The following LIX1 variants were observed in gnomAD, a reference collection of about 807,000 sequenced individuals.
The protein encoded by LIX1 is protein limb expression 1 homolog.
A neutral mutation model predicts 33.4 loss-of-function variants in LIX1; 24 were observed. That is an observed-to-expected ratio of 0.72 (90% CI 0.52 to 1.01). The LOEUF (loss-of-function observed/expected upper bound fraction) is 1.01. Ranked by LOEUF, LIX1 falls within the 50% of genes least tolerant of loss-of-function variation. The pLI, the probability that LIX1 is intolerant of heterozygous loss-of-function variation, is 0.00. For missense variants in LIX1, 311 were observed against 339.2 expected (o/e 0.92, Z 0.65); for synonymous variants, 124 against 124.0 (o/e 1.00, Z 0.00).
At chr5:97,103,719 A>G (rs535523272) in intron 4 of LIX1, among the ~76,000 whole-genome samples, 1 of 152,182 alleles carries the variant, frequency 6.6e-6, no homozygotes, top group African/African-American at 2.4e-5. Flanking sequence ...TAATCCTAGC[A>G]CTTTGGGAGG....
intron 2 of LIX1, among the ~76,000 whole-genome samples, chr5:97,115,007 G>A (rs554510404): frequency 1.3e-5 from 2 of 152,250 alleles, no homozygotes; most frequent in East Asian, 3.9e-4. Context: ...CTTTATGATA[G>A]TTCTTCTACA....
chr5:97,099,253 G>A (rs1203255241), intron 4 of LIX1, among the ~76,000 whole-genome samples: 4 of 152,132 alleles, frequency 2.6e-5, no homozygotes, highest in South Asian at 2.1e-4. Flanking sequence ...ACCAAATCTC[G>A]TCCAATCTGG....
At chr5:97,118,133 G>A (rs1181008616) in intron 2 of LIX1, among the ~76,000 whole-genome samples, 1 of 152,174 alleles carries the variant, frequency 6.6e-6, no homozygotes, top group Non-Finnish European at 1.5e-5. Context: ...ATTCCAAATA[G>A]ATCGAGCTAT....
rs544605955 is a variant in LIX1, at chr5:97,116,061, G to A, written c.246+8405C>T. Among the ~76,000 whole-genome samples the A allele has an allele frequency of 5.9e-5, 9 of 152,252 alleles. 1 individual carries two copies. In the East Asian group the frequency reaches 1.7e-3, roughly 29 times the overall value. On this transcript the variant is annotated intron_variant, in intron 2 of 5. Transcript: ENST00000274382. ...TTTGTGACTTGGAGTCCGACTTTTA[G>A]CAAGTGACTTGCGGAGTTTGTGCGT...
At chr5:97,137,489 T>C (rs180971798) in intron 1 of LIX1, among the ~76,000 whole-genome samples, 180 of 152,246 alleles carry the variant, frequency 1.2e-3, no homozygotes, top group African/African-American at 4.2e-3. Context: ...GAACCAGCTC[T>C]TATGCCATTG....
chr5:97,134,603 G>GT (rs1444846554), intron 1 of LIX1, among the ~76,000 whole-genome samples: 1 of 152,114 alleles, frequency 6.6e-6, no homozygotes, highest in Non-Finnish European at 1.5e-5. Context: ...TTTTCTTGAG[G>GT]AGCAACAGGA....
chr5:97,092,814 T>G lies in LIX1; in HGVS notation c.*1934A>C, dbSNP rs1190566348. The G allele has an allele frequency of 6.6e-6, 1 of 152,340 alleles. No individual in the cohort carries two copies. Among genetic ancestry groups the G allele is most frequent in the African/African-American group, 2.4e-5 (1 of 41,448 alleles). 9.4% of individuals were successfully genotyped at this position (152,340 alleles called of 1,614,324 possible). ...TGCCTAACTTTCATCACATCCAGCA[T>G]GGGAAATTGTGGCTTTTTGGAAATG... is the stretch of plus-strand genomic sequence containing the variant. On this transcript the variant is annotated 3_prime_UTR_variant, in exon 6 of 6. Coordinates refer to ENST00000274382, the MANE Select transcript of LIX1 (RefSeq NM_153234.5).
intron 5 of LIX1, among the ~76,000 whole-genome samples, chr5:97,096,504 G>T (rs572567982): frequency 6.6e-6 from 1 of 152,326 alleles, no homozygotes; most frequent in East Asian, 1.9e-4. Flanking sequence ...CAAGGAGGCA[G>T]GGGAGGTGTA....
intron 4 of LIX1, among the ~76,000 whole-genome samples, chr5:97,099,467 A>C (rs990301288): frequency 2.6e-5 from 4 of 152,100 alleles, no homozygotes; most frequent in African/African-American, 7.2e-5. Flanking sequence ...AAATAAGAAA[A>C]ATTTTTTGGT....
intron 2 of LIX1, among the ~76,000 whole-genome samples, chr5:97,116,151 G>A (rs1747630011): frequency 6.6e-6 from 1 of 152,170 alleles, no homozygotes. Flanking sequence ...AAGCCTTCAC[G>A]AAGAATGCCA....
intron 2 of LIX1, among the ~76,000 whole-genome samples, chr5:97,108,576 C>T (rs1402303100): frequency 6.6e-6 from 1 of 152,164 alleles, no homozygotes; most frequent in Non-Finnish European, 1.5e-5. Context: ...GGAGCCCATA[C>T]CTTTTGGAGA....
chr5:97,110,861 G>T (rs1263372374), intron 2 of LIX1, among the ~76,000 whole-genome samples: 1 of 152,088 alleles, frequency 6.6e-6, no homozygotes, highest in African/African-American at 2.4e-5. Flanking sequence ...GAAGGCTTTG[G>T]GGGAAGCTTT....
intron 1 of LIX1, among the ~76,000 whole-genome samples, chr5:97,132,246 G>A (rs975351679): frequency 6.6e-6 from 1 of 152,162 alleles, no homozygotes; most frequent in Middle Eastern, 3.2e-3. Flanking sequence ...TTTACAATCC[G>A]ACTGGGGAAA....
intron 4 of LIX1, among the ~76,000 whole-genome samples, chr5:97,099,546 A>T (rs1746574361): frequency 6.6e-6 from 1 of 152,234 alleles, no homozygotes. Flanking sequence ...GAAAAGAGAA[A>T]ATAAATATTG....
At position 97,102,983 on chromosome 5, in the gene LIX1, G is replaced by A. The variant is rs7703924; in HGVS notation, c.483+2207C>T. On this transcript the variant is annotated intron_variant, in intron 4 of 5. Coordinates refer to ENST00000274382, the MANE Select transcript of LIX1 (RefSeq NM_153234.5). ...ATAAATGTTACACTACTTAAATCCC[G>A]CAAAAATTCTACAAAATGGGCATTA... The A allele has an allele frequency of 2.4e-3, 1,028 of 434,450 alleles. 15 individuals carry two copies. Among genetic ancestry groups the A allele is most frequent in the African/African-American group, 0.019 (908 of 48,446 alleles). 26.9% of individuals were successfully genotyped at this position (434,450 alleles called of 1,614,324 possible). A position where few individuals can be genotyped will look rare whatever the true frequency, so the allele number is the denominator to read the frequency against.
intron 1 of LIX1, among the ~76,000 whole-genome samples, chr5:97,126,878 TC>T (rs994452597): frequency 1.1e-4 from 16 of 152,168 alleles, no homozygotes; most frequent in African/African-American, 3.6e-4. Flanking sequence ...GACCTTGTGA[TC>T]CGCCCATCTC....
At chr5:97,125,168 C>G (rs578248973) in intron 1 of LIX1, among the ~76,000 whole-genome samples, 18 of 152,234 alleles carry the variant, frequency 1.2e-4, no homozygotes, top group African/African-American at 4.1e-4. Context: ...GTAGAATAAG[C>G]AGGAGGCTGG....
intron 2 of LIX1, among the ~76,000 whole-genome samples, chr5:97,123,384 A>T (rs528148709): frequency 1.3e-5 from 2 of 152,120 alleles, no homozygotes; most frequent in South Asian, 4.2e-4. Flanking sequence ...TGTGTTTCCC[A>T]CCCAGTGGCC....
In LIX1 at chr5:97,140,415, G is replaced by A. The variant is rs138014623; in HGVS notation, c.82+2080C>T. 4.1e-3 allele frequency among the ~76,000 whole-genome samples: 618 copies of A among 152,304 alleles called. 1 individual carries two copies. Among genetic ancestry groups the A allele is most frequent in the Middle Eastern group, 0.01 (3 of 294 alleles). On this transcript the variant is annotated intron_variant, in intron 1 of 5. Transcript: ENST00000274382. Reference sequence around the variant, plus strand: ...CAGAAAGAGCTTGGAGCAGGTTAGAGTGGAGGAGGAGCCAGCAGTGACTAG... The same window carrying A: ...CAGAAAGAGCTTGGAGCAGGTTAGAATGGAGGAGGAGCCAGCAGTGACTAG...
Sources: gnomAD v4.1 joint callset for allele counts (sites outside exome capture counted in the v4.1 genomes callset) on GRCh38, gnomAD v4.1.1 for gene constraint, MANE v1.5 for transcripts, NCBI Gene and HGNC (gene_info 2026-07-23, HGNC 2026-07-21) for gene names.